LTBP2: variants seen among roughly 807,000 people sequenced by gnomAD.
LTBP2 encodes latent-transforming growth factor beta-binding protein 2.
In LTBP2, 103 loss-of-function variants were observed where a neutral mutation model predicts 210.6. The observed-to-expected ratio is 0.49, with a 90% CI of 0.42 to 0.58. The LOEUF (loss-of-function observed/expected upper bound fraction) is 0.58, where lower values mean the gene tolerates loss of function less well. LTBP2 is among the 20% of genes least tolerant of loss of function. LTBP2 has a pLI of 0.00. For missense variants in LTBP2, 2,313 were observed against 2,494.5 expected, an observed-to-expected ratio of 0.93 and a Z score of 1.55; for synonymous variants, 1,007 against 1,015.0, an observed-to-expected ratio of 0.99 and a Z score of 0.15.
Position 74,611,543 on chromosome 14 carries a change from G to A in LTBP2, c.402C>T (p.Pro134=). 6.4e-7 allele frequency: 1 copy of A among 1,569,246 alleles called. No homozygotes were observed. Among genetic ancestry groups the A allele is most frequent in the Non-Finnish European group, 8.6e-7 (1 of 1,165,020 alleles). ...GGAGAGCCGGCGCGGCCCGGGTCCG[G>A]GGTGCTGGTTGCTGCTGGCCCAGGG... The part of the protein sequence containing the change: ...STPLGQQQPA[P]RTRAAPALPR... Residue 134 remains proline (P), a synonymous_variant, in exon 1 of 36, where the codon CCC becomes CCT. Transcript: ENST00000261978.
rs370399148 is a variant in LTBP2, at chr14:74,585,898, C to T, written c.786G>A (p.Pro262=). Residue 262 remains proline (P), a synonymous_variant, in exon 3 of 36, where the codon CCG becomes CCA. Coordinates refer to ENST00000261978, the MANE Select transcript of LTBP2 (RefSeq NM_000428.3). ...AGEGTLARAQ[P]PAPQSPPAPQ... is the part of the protein sequence containing the mutation. ...GTGCGGGCGGCGACTGTGGTGCTGG[C>T]GGCTGTGCTCTGGCCAAGGTGCCCT... 1.9e-5 allele frequency: 30 copies of T among 1,613,822 alleles called. No homozygotes were observed. In the African/African-American group the frequency reaches 2.0e-4, roughly 11 times the overall value.
At chr14:74,575,908 C>T (rs1364409867) in intron 3 of LTBP2, among the ~76,000 whole-genome samples, 1 of 152,198 alleles carries the variant, frequency 6.6e-6, no homozygotes, top group African/African-American at 2.4e-5. Flanking sequence ...CTTCCTAACC[C>T]CTCTGAGCCC....
intron 8 of LTBP2, among the ~76,000 whole-genome samples, chr14:74,541,251 C>A (rs1359916028): frequency 6.6e-6 from 1 of 152,098 alleles, no homozygotes; most frequent in East Asian, 1.9e-4. Context: ...GGACAAGGAC[C>A]TTGTCTTATT....
In LTBP2 at chr14:74,507,403, TG is replaced by T. The variant is rs1330788469; in HGVS notation, c.3776-94del. Reference sequence around the variant, plus strand: ...CATGCCCCACAACCTCTGGGGTTCTTGATCTATTCCAAATTACTGTGCTCAT... The same window carrying T: ...CATGCCCCACAACCTCTGGGGTTCTTATCTATTCCAAATTACTGTGCTCAT... On this transcript the variant is annotated intron_variant, in intron 25 of 35. Transcript: ENST00000261978. The T allele has an allele frequency of 2.6e-5, 41 of 1,552,940 alleles. No homozygotes were observed. The East Asian group carries it at 4.5e-4, about 17-fold the overall frequency.
chr14:74,534,642 T>G (rs1040241845), intron 9 of LTBP2, among the ~76,000 whole-genome samples: 8 of 152,136 alleles, frequency 5.3e-5, no homozygotes, highest in Non-Finnish European at 8.8e-5. Context: ...TGTCTGCACT[T>G]GGGGCAGGAC....
chr14:74,511,821 C>A (rs1165297354), intron 18 of LTBP2, among the ~76,000 whole-genome samples: 1 of 152,172 alleles, frequency 6.6e-6, no homozygotes, highest in Non-Finnish European at 1.5e-5. Flanking sequence ...TTCCTTGCAC[C>A]AGGAAATGAG....
intron 16 of LTBP2, 51 bp downstream of exon 16, chr14:74,522,739 G>T: frequency 1.3e-6 from 2 of 1,576,114 alleles, no homozygotes; most frequent in Non-Finnish European, 1.7e-6. Flanking sequence ...CTTAGCCCCT[G>T]CTCCCATCTA....
chr14:74,501,405 G>C (rs1165016473), intron 35 of LTBP2, 36 bp downstream of exon 35: 1 of 1,613,764 alleles, frequency 6.2e-7, no homozygotes, highest in Non-Finnish European at 8.5e-7. Context: ...TGGGCAGTGG[G>C]CCAGCCTGAC....
chr14:74,581,346 G>A (rs548338520), intron 3 of LTBP2, among the ~76,000 whole-genome samples: 1 of 152,240 alleles, frequency 6.6e-6, no homozygotes, highest in South Asian at 2.1e-4. Flanking sequence ...CTAATCAGTT[G>A]ACCTTAAAAT....
At chr14:74,565,991 GA>G (rs1390895299) in intron 3 of LTBP2, among the ~76,000 whole-genome samples, 2 of 151,934 alleles carry the variant, frequency 1.3e-5, no homozygotes, top group African/African-American at 4.8e-5. Context: ...AATATTAACG[GA>G]AAAATGTGGC....
chr14:74,587,409 T>C (rs2088222002), intron 2 of LTBP2, among the ~76,000 whole-genome samples: 1 of 151,416 alleles, frequency 6.6e-6, no homozygotes, highest in Non-Finnish European at 1.5e-5. Flanking sequence ...ACAACCCAGG[T>C]GATGCAGGGG....
intron 2 of LTBP2, among the ~76,000 whole-genome samples, chr14:74,601,083 G>GC (rs1384464564): frequency 6.6e-6 from 1 of 152,080 alleles, no homozygotes; most frequent in African/African-American, 2.4e-5. Context: ...ACAGTGCCAG[G>GC]CCCCAGCCCC....
At chr14:74,521,278 T>C (rs537808120) in intron 17 of LTBP2, among the ~76,000 whole-genome samples, 4 of 152,364 alleles carry the variant, frequency 2.6e-5, no homozygotes, top group African/African-American at 9.6e-5. Flanking sequence ...TTATGAATCT[T>C]AAGGTGTTGC....
intron 3 of LTBP2, among the ~76,000 whole-genome samples, chr14:74,583,647 G>T (rs1351735012): frequency 6.6e-6 from 1 of 152,222 alleles, no homozygotes; most frequent in Non-Finnish European, 1.5e-5. Context: ...CTTCACTGGG[G>T]GATAGAAGGC....
Position 74,501,491 on chromosome 14 carries a change from C to T in LTBP2, c.5270G>A (p.Cys1757Tyr). Residue 1757 changes from cysteine (C) to tyrosine (Y), a missense_variant, in exon 35 of 36, where the codon TGT becomes TAT. Cys to Tyr is a radical substitution (Grantham distance 194, BLOSUM62 -2). Around this residue, in one of 3 missense-constraint regions of LTBP2, gnomAD observed 443 missense variants for 501.4 expected, o/e 0.88. Coordinates refer to ENST00000261978, the MANE Select transcript of LTBP2 (RefSeq NM_000428.3). ...CAGCTGGAAGCCCTCAAAACAGTCACAGGTGTAGCCCTCCCGCACGCGCAC... is the reference window on the plus strand; with the variant it reads ...CAGCTGGAAGCCCTCAAAACAGTCATAGGTGTAGCCCTCCCGCACGCGCAC... ...RCVRVREGYT[C>Y]DCFEGFQLDA... The T allele has an allele frequency of 6.2e-7, 1 of 1,614,166 alleles. No homozygotes were observed. The highest frequency in any genetic ancestry group is 1.1e-5 in the South Asian group (1 of 91,082).
Position 74,611,688 on chromosome 14 carries a change from T to C in LTBP2, c.257A>G (p.Glu86Gly). 1 of 1,578,578 alleles carries C rather than the reference T, an allele frequency of 6.3e-7. No individual in the cohort carries two copies. Among genetic ancestry groups the C allele is most frequent in the Admixed American group, 1.8e-5 (1 of 56,582 alleles). ...DAPVAGLQPV[E>G]RAQPGWGSPR... ...GCTCCCCCAGCCCGGCTGGGCCCGCTCCACGGGCTGCAAGCCCGCGACAGG... is the reference window on the plus strand; with the variant it reads ...GCTCCCCCAGCCCGGCTGGGCCCGCCCCACGGGCTGCAAGCCCGCGACAGG... The change falls in exon 1 of 36, where the codon GAG becomes GGG. Residue 86 changes from glutamate to glycine, a missense_variant. Glu to Gly is a moderately conservative substitution (Grantham distance 98). Coordinates refer to ENST00000261978, the MANE Select transcript of LTBP2 (RefSeq NM_000428.3).
intron 2 of LTBP2, among the ~76,000 whole-genome samples, chr14:74,597,382 G>T (rs78074448): frequency 0.014 from 2,164 of 152,318 alleles, 16 homozygotes; most frequent in African/African-American, 0.026. Flanking sequence ...ACATTAAGAC[G>T]TCAGGTAGAG....
At chr14:74,594,245 G>C (rs75382943) in intron 2 of LTBP2, among the ~76,000 whole-genome samples, 1 of 152,062 alleles carries the variant, frequency 6.6e-6, no homozygotes. Context: ...GTTTGTCATC[G>C]GCTCTCTCTC....
chr14:74,601,776 C>T (rs891853737), intron 2 of LTBP2, among the ~76,000 whole-genome samples: 5 of 152,156 alleles, frequency 3.3e-5, no homozygotes, highest in African/African-American at 9.7e-5. Flanking sequence ...CATAGAATAA[C>T]GTATGATGTT....
Sources: allele counts gnomAD v4.1 joint callset (sites outside exome capture counted in the v4.1 genomes callset), GRCh38; gene constraint gnomAD v4.1.1; regional missense constraint gnomAD v4.1.1; transcripts MANE v1.5; gene names NCBI Gene and HGNC (gene_info 2026-07-23, HGNC 2026-07-21).